Variants in ATP8A2 observed in about 807,000 individuals in gnomAD.
ATP8A2 encodes the protein phospholipid-transporting ATPase IB.
In ATP8A2, 100 loss-of-function variants were observed where a neutral mutation model predicts 165.6. The observed-to-expected ratio is 0.60, with a 90% CI of 0.51 to 0.71. The LOEUF is 0.71. Among genes scored for constraint, ATP8A2 ranks in the 30% least tolerant of loss-of-function variants. The pLI is 0.00. For synonymous variants in ATP8A2, 543 were observed against 548.8 expected (o/e 0.99, Z 0.15); for missense variants, 1,227 against 1,479.5 (o/e 0.83, Z 2.80).
chr13:25,897,919 T>C (rs1566249537), intron 33 of ATP8A2, among the ~76,000 whole-genome samples: 1 of 152,210 alleles, frequency 6.6e-6, no homozygotes, highest in Non-Finnish European at 1.5e-5. Context: ...CATTGATTAT[T>C]TTAGTTATCC....
chr13:25,906,571 C>T (rs1349248909), intron 33 of ATP8A2, among the ~76,000 whole-genome samples: 1 of 151,968 alleles, frequency 6.6e-6, no homozygotes, highest in Admixed American at 6.6e-5. Context: ...TGAAACGCTC[C>T]CCCGCCTTCT....
At chr13:25,593,107 C>A (rs1400843805) in intron 24 of ATP8A2, among the ~76,000 whole-genome samples, 1 of 152,042 alleles carries the variant, frequency 6.6e-6, no homozygotes, top group Non-Finnish European at 1.5e-5. Flanking sequence ...TTATTAAAAT[C>A]GTATTTGGTG....
At chr13:25,850,337 T>A (rs1023211835) in intron 30 of ATP8A2, among the ~76,000 whole-genome samples, 4 of 152,212 alleles carry the variant, frequency 2.6e-5, no homozygotes, top group African/African-American at 9.6e-5. Context: ...GAGACTTTTT[T>A]GGAGCCTATA....
intron 33 of ATP8A2, among the ~76,000 whole-genome samples, chr13:25,865,143 T>C (rs1952471398): frequency 6.6e-6 from 1 of 152,050 alleles, no homozygotes; most frequent in African/African-American, 2.4e-5. Context: ...TGGGTTCAGG[T>C]GTAGTCAGTA....
At chr13:25,854,456 G>A (rs1466800536) in intron 30 of ATP8A2, among the ~76,000 whole-genome samples, 1 of 152,096 alleles carries the variant, frequency 6.6e-6, no homozygotes, top group South Asian at 2.1e-4. Flanking sequence ...CCACATAGCT[G>A]GAACTACAGG....
Position 25,805,448 on chromosome 13 carries a change from T to C in ATP8A2, c.2680-22670T>C, listed in dbSNP as rs566538805. Among the ~76,000 whole-genome samples the C allele has an allele frequency of 5.9e-5, 9 of 152,112 alleles. No homozygotes were observed. The East Asian group carries it at 1.7e-3, about 29-fold the overall frequency. On this transcript the variant is annotated intron_variant, in intron 27 of 36. Coordinates refer to ENST00000381655, the MANE Select transcript of ATP8A2 (RefSeq NM_016529.6). ...AGAGGATCACCTGAGCCCAGGGTGG[T>C]CAAGGCTACTGTGAGCCAAGATCAT...
At chr13:25,693,635 C>G (rs764304075) in intron 24 of ATP8A2, among the ~76,000 whole-genome samples, 8 of 152,050 alleles carry the variant, frequency 5.3e-5, no homozygotes, top group Non-Finnish European at 1.2e-4. Context: ...AATAGCCCAC[C>G]AAGAGGTCAG....
rs146666844 is a variant in ATP8A2, at chr13:25,629,614, A to G, written c.2211+39915A>G. Among the ~76,000 whole-genome samples the G allele has an allele frequency of 1.7e-3, 261 of 152,274 alleles. 4 individuals are homozygous for G. The Middle Eastern group carries it at 0.024, about 14-fold the overall frequency. The stretch of plus-strand genomic sequence containing the variant: ...CATATGATCTGTAGCAGTTTGCTGT[A>G]GCTTTCGGGAGGCTATTTGAAGGAA... On this transcript the variant is annotated intron_variant, in intron 24 of 36. Transcript: ENST00000381655.
At chr13:25,891,579 C>G (rs950522416) in intron 33 of ATP8A2, among the ~76,000 whole-genome samples, 3 of 152,166 alleles carry the variant, frequency 2.0e-5, no homozygotes, top group African/African-American at 7.2e-5. Flanking sequence ...CTACCTTGGC[C>G]TCCCAAAGTG....
intron 27 of ATP8A2, among the ~76,000 whole-genome samples, chr13:25,791,842 T>G (rs1279767367): frequency 6.6e-6 from 1 of 152,248 alleles, no homozygotes; most frequent in Non-Finnish European, 1.5e-5. Context: ...CCTTGTTTCC[T>G]TCTTGCTGCT....
At chr13:25,741,668 T>A (rs1731161284) in intron 25 of ATP8A2, among the ~76,000 whole-genome samples, 1 of 152,064 alleles carries the variant, frequency 6.6e-6, no homozygotes, top group Non-Finnish European at 1.5e-5. Context: ...TGAGCCACCA[T>A]ATCTGGCCAA....
intron 33 of ATP8A2, among the ~76,000 whole-genome samples, chr13:25,919,319 A>G (rs1290180496): frequency 6.6e-6 from 1 of 152,226 alleles, no homozygotes; most frequent in Non-Finnish European, 1.5e-5. Flanking sequence ...AGCCAGGGAT[A>G]GCCACTTACA....
At chr13:25,673,486 A>G (rs2042307990) in intron 24 of ATP8A2, among the ~76,000 whole-genome samples, 1 of 152,264 alleles carries the variant, frequency 6.6e-6, no homozygotes, top group Admixed American at 6.5e-5. Context: ...TTATAGAAAT[A>G]GAAGTCAAAC....
chr13:25,633,873 G>A (rs888840864), intron 24 of ATP8A2, among the ~76,000 whole-genome samples: 1 of 151,976 alleles, frequency 6.6e-6, no homozygotes, highest in African/African-American at 2.4e-5. Context: ...ATACTCTGGA[G>A]GCTAAGGTGG....
chr13:25,882,735 G>A (rs913791259), intron 33 of ATP8A2, among the ~76,000 whole-genome samples: 5 of 152,144 alleles, frequency 3.3e-5, no homozygotes, highest in African/African-American at 1.2e-4. Flanking sequence ...ATTTTTAGAA[G>A]CTCATTGAAT....
At chr13:25,584,056 CTAAG>C (rs2039851681) in intron 23 of ATP8A2, among the ~76,000 whole-genome samples, 1 of 152,136 alleles carries the variant, frequency 6.6e-6, no homozygotes, top group South Asian at 2.1e-4. Context: ...TTGGGTGTTA[CTAAG>C]TAAGCTTCTA....
In ATP8A2 at chr13:25,684,697, A is replaced by G. The variant is rs2042564816; in HGVS notation, c.2212-14476A>G. On this transcript the variant is annotated intron_variant, in intron 24 of 36. Transcript: ENST00000381655. ...GAAAATCTATTTAAAGCAAAGGTCAAATCTGTGCTGGATTTAGAACCTATT... is the reference window on the plus strand; with the variant it reads ...GAAAATCTATTTAAAGCAAAGGTCAGATCTGTGCTGGATTTAGAACCTATT... 3.9e-5 allele frequency among the ~76,000 whole-genome samples: 6 copies of G among 152,218 alleles called. No individual in the cohort carries two copies. The South Asian group carries it at 1.2e-3, about 32-fold the overall frequency.
chr13:25,484,659 C>T (rs754625691), intron 2 of ATP8A2, among the ~76,000 whole-genome samples: 34 of 152,142 alleles, frequency 2.2e-4, no homozygotes, highest in African/African-American at 7.2e-4. Flanking sequence ...GGACTACAGG[C>T]GTTCACCAGC....
intron 1 of ATP8A2, among the ~76,000 whole-genome samples, chr13:25,382,523 G>C (rs1593232068): frequency 6.6e-6 from 1 of 152,334 alleles, no homozygotes; most frequent in East Asian, 1.9e-4. Context: ...GTCTTCCAAA[G>C]TGGCTGTACC....
Sources: allele counts gnomAD v4.1 joint callset (sites outside exome capture counted in the v4.1 genomes callset), GRCh38; gene constraint gnomAD v4.1.1; transcripts MANE v1.5; gene names NCBI Gene and HGNC (gene_info 2026-07-23, HGNC 2026-07-21).